PAG1: variants seen among roughly 807,000 people sequenced by gnomAD.
The protein encoded by PAG1 is phosphoprotein associated with glycosphingolipid-enriched microdomains 1.
Under a neutral mutation model 31.7 loss-of-function variants are expected in PAG1, and 23 were observed. The observed-to-expected ratio is 0.73, with a 90% CI of 0.52 to 1.03. PAG1 has a LOEUF of 1.03. Among genes scored for constraint, PAG1 ranks in the 50% least tolerant of loss-of-function variants. The pLI, the probability that PAG1 is intolerant of heterozygous loss-of-function variation, is 0.00. For synonymous variants in PAG1, 214 were observed against 210.3 expected (o/e 1.02, Z -0.15); for missense variants, 473 against 540.7 (o/e 0.87, Z 1.24).
chr8:81,108,774 G>A (rs773248631), intron 1 of PAG1, among the ~76,000 whole-genome samples: 7 of 152,118 alleles, frequency 4.6e-5, no homozygotes, highest in South Asian at 2.1e-4. Context: ...ACAGCACCCC[G>A]GAATCTGCTT....
At position 80,968,565 on chromosome 8, in the gene PAG1, A is replaced by G. The variant is rs371190545; in HGVS notation, c.*7979T>C. The G allele has an allele frequency of 6.4e-4, 97 of 152,336 alleles. No homozygotes were observed. Among genetic ancestry groups the G allele is most frequent in the African/African-American group, 2.3e-3 (97 of 41,586 alleles). The allele number at this position is 152,336 out of a possible 1,614,324, so 9.4% of individuals were successfully genotyped here. ...ATGAGCAAGATACAAACATTCTGGGATGGATGGTAGATGGATGCTACACTC... is the reference window on the plus strand; with the variant it reads ...ATGAGCAAGATACAAACATTCTGGGGTGGATGGTAGATGGATGCTACACTC... On this transcript the variant is annotated 3_prime_UTR_variant, in exon 9 of 9. Coordinates refer to ENST00000220597, the MANE Select transcript of PAG1 (RefSeq NM_018440.4).
rs1807175237 is a variant in PAG1, at chr8:80,976,206, T to C, written c.*338A>G. ...TTTAGGCCGGGGGCATTGTGGTCCT[T>C]GGTGAGTGCAGCTTTTCCATACAGC... is the stretch of plus-strand genomic sequence containing the variant. On this transcript the variant is annotated 3_prime_UTR_variant, in exon 9 of 9. Transcript: ENST00000220597. 1 of 216,880 alleles carries C rather than the reference T, an allele frequency of 4.6e-6. No individual in the cohort carries two copies. Among genetic ancestry groups the C allele is most frequent in the Non-Finnish European group, 9.0e-6 (1 of 110,936 alleles). 13.4% of individuals were successfully genotyped at this position (216,880 alleles called of 1,614,324 possible).
chr8:81,025,379 C>G (rs954296519), intron 3 of PAG1, among the ~76,000 whole-genome samples: 1 of 152,174 alleles, frequency 6.6e-6, no homozygotes, highest in Non-Finnish European at 1.5e-5. Flanking sequence ...TGTTTGTTTT[C>G]TCTTTTGGGG....
chr8:81,059,861 C>T lies in PAG1; in HGVS notation c.-175+10251G>A, dbSNP rs570874792. Among the ~76,000 whole-genome samples, 5 of 152,020 alleles carry T rather than the reference C, an allele frequency of 3.3e-5. No individual in the cohort carries two copies. In the South Asian group the frequency reaches 1.0e-3, roughly 32 times the overall value. ...TGAAACCCCATCTCTACTAAAAATGCAAAAATTAGCTGGGTGTGGGAGTGC... is the reference window on the plus strand; with the variant it reads ...TGAAACCCCATCTCTACTAAAAATGTAAAAATTAGCTGGGTGTGGGAGTGC... On this transcript the variant is annotated intron_variant, in intron 2 of 8. Transcript: ENST00000220597.
chr8:81,058,859 T>G (rs1808870525), intron 2 of PAG1, among the ~76,000 whole-genome samples: 1 of 152,206 alleles, frequency 6.6e-6, no homozygotes, highest in Non-Finnish European at 1.5e-5. Context: ...ATTATACCAT[T>G]GCATTCCAAC....
At chr8:81,040,575 A>G (rs927770957) in intron 2 of PAG1, among the ~76,000 whole-genome samples, 3 of 151,892 alleles carry the variant, frequency 2.0e-5, no homozygotes, top group Non-Finnish European at 4.4e-5. Flanking sequence ...TGATATAGCT[A>G]CATATGTATA....
rs542234889 is a variant in PAG1 at position 81,041,135 on chromosome 8, T to C, written c.-174-11046A>G. On this transcript the variant is annotated intron_variant, in intron 2 of 8. Coordinates refer to ENST00000220597, the MANE Select transcript of PAG1 (RefSeq NM_018440.4). The stretch of plus-strand genomic sequence containing the variant: ...AGGAGAAACAAAAACACCCCTTGAA[T>C]CTTAACTGTGAGAGCGAGGAGCAAG... 2.6e-5 allele frequency among the ~76,000 whole-genome samples: 4 copies of C among 151,902 alleles called. No individual in the cohort carries two copies. The South Asian group carries it at 8.3e-4, about 32-fold the overall frequency.
At chr8:81,056,263 A>T (rs1808821154) in intron 2 of PAG1, among the ~76,000 whole-genome samples, 1 of 152,188 alleles carries the variant, frequency 6.6e-6, no homozygotes, top group Non-Finnish European at 1.5e-5. Flanking sequence ...CATTGCCAAG[A>T]CAATCCTAAG....
rs779174297 is a variant in PAG1, at chr8:80,993,159, A to T, written c.69T>A (p.Ala23=). 1 of 1,613,936 alleles carries T rather than the reference A, an allele frequency of 6.2e-7. No individual in the cohort carries two copies. The highest frequency in any genetic ancestry group is 2.2e-5 in the East Asian group (1 of 44,876). ...MQITLWGSLA[A]VAIFFVITFL... ...AGGTGATGACGAAGAAAATGGCGAC[A>T]GCAGCCAGACTTCCCCACAGGGTGA... The change falls in exon 4 of 9, where the codon GCT becomes GCA. Residue 23 remains alanine (A), a synonymous_variant. Transcript: ENST00000220597.
intron 2 of PAG1, among the ~76,000 whole-genome samples, chr8:81,031,022 G>A (rs1341053897): frequency 1.3e-5 from 2 of 152,152 alleles, no homozygotes; most frequent in African/African-American, 4.8e-5. Flanking sequence ...CCTGATTTCT[G>A]ACATAACAAA....
intron 2 of PAG1, among the ~76,000 whole-genome samples, chr8:81,063,216 C>T (rs1030707781): frequency 6.6e-6 from 1 of 152,206 alleles, no homozygotes; most frequent in Admixed American, 6.5e-5. Context: ...TCAGATAAGG[C>T]CATGAGAGCC....
At chr8:81,056,037 G>A (rs529414387) in intron 2 of PAG1, among the ~76,000 whole-genome samples, 193 of 152,260 alleles carry the variant, frequency 1.3e-3, no homozygotes, top group African/African-American at 4.2e-3. Flanking sequence ...TCTTGTGCCA[G>A]TTTTCAAAGG....
intron 1 of PAG1, among the ~76,000 whole-genome samples, chr8:81,084,577 C>T (rs1334153302): frequency 6.6e-6 from 1 of 152,086 alleles, no homozygotes; most frequent in Admixed American, 6.5e-5. Flanking sequence ...TGTCATTTTG[C>T]AATTATTACC....
Position 81,065,526 on chromosome 8 carries a change from G to C in PAG1, c.-175+4586C>G, listed in dbSNP as rs75646771. 1.6e-4 allele frequency among the ~76,000 whole-genome samples: 24 copies of C among 152,254 alleles called. No individual in the cohort carries two copies. The East Asian group carries it at 4.2e-3, about 27-fold the overall frequency. ...TCGCCATAGGTCACAAAGCAGCCAA[G>C]AGTGGATAATGAAACTAGCTTTTAC... On this transcript the variant is annotated intron_variant, in intron 2 of 8. Coordinates refer to ENST00000220597, the MANE Select transcript of PAG1 (RefSeq NM_018440.4).
chr8:81,007,636 CAAAAAA>C (rs58612249), intron 3 of PAG1, among the ~76,000 whole-genome samples: 1 of 49,734 alleles, frequency 2.0e-5, no homozygotes, highest in South Asian at 1.5e-3. Flanking sequence ...GACTCTGTCT[CAAAAAA>C]AAAAAAAAAA....
At chr8:81,016,657 T>C (rs1808077371) in intron 3 of PAG1, among the ~76,000 whole-genome samples, 1 of 152,200 alleles carries the variant, frequency 6.6e-6, no homozygotes, top group Non-Finnish European at 1.5e-5. Context: ...CTGTGGTTGA[T>C]TGCAAAAAAT....
In PAG1 at chr8:80,994,862, G is replaced by T. The variant is rs190308383; in HGVS notation, c.-80-1555C>A. 2.7e-4 allele frequency among the ~76,000 whole-genome samples: 41 copies of T among 152,252 alleles called. No individual in the cohort carries two copies. In the East Asian group the frequency reaches 7.3e-3, roughly 27 times the overall value. On this transcript the variant is annotated intron_variant, in intron 3 of 8. Transcript: ENST00000220597. ...AATGAAAAGAAATAGCCTTTAAGTT[G>T]GTCTCAAGTGTCATGAATAAGCAAA...
intron 2 of PAG1, among the ~76,000 whole-genome samples, chr8:81,041,494 A>G (rs927024129): frequency 3.3e-5 from 5 of 152,150 alleles, no homozygotes; most frequent in African/African-American, 1.2e-4. Flanking sequence ...GTGGCTCTCC[A>G]TTTATCTTCA....
intron 1 of PAG1, among the ~76,000 whole-genome samples, chr8:81,073,165 T>C (rs1380325982): frequency 6.6e-6 from 1 of 152,192 alleles, no homozygotes; most frequent in African/African-American, 2.4e-5. Flanking sequence ...TTGGCCCACA[T>C]GGAGTCCTAG....
Sources: gnomAD v4.1 joint callset for allele counts (sites outside exome capture counted in the v4.1 genomes callset) on GRCh38, gnomAD v4.1.1 for gene constraint, MANE v1.5 for transcripts, NCBI Gene and HGNC (gene_info 2026-07-23, HGNC 2026-07-21) for gene names.